The following NRXN3 variants were observed in gnomAD, a reference collection of about 807,000 sequenced individuals.
NRXN3 encodes the protein neurexin III.
A neutral mutation model predicts 137.6 loss-of-function variants in NRXN3; 32 were observed. That is an observed-to-expected ratio of 0.23 (90% confidence interval 0.18 to 0.31). The LOEUF (loss-of-function observed/expected upper bound fraction) is 0.31, where lower values mean the gene tolerates loss of function less well. NRXN3 is among the 10% of genes least tolerant of loss of function. The pLI, the probability that NRXN3 is intolerant of heterozygous loss-of-function variation, is 1.00. For missense variants in NRXN3, 1,574 were observed against 2,062.5 expected (o/e 0.76, Z 4.59); for synonymous variants, 798 against 784.5 (o/e 1.02, Z -0.29).
At chr14:78,419,948 C>CGT (rs1253440459) in intron 4 of NRXN3, among the ~76,000 whole-genome samples, 2 of 6,406 alleles carry the variant, frequency 3.1e-4, no homozygotes, top group African/African-American at 3.8e-4. Context: ...CGTGTGTGCG[C>CGT]GCGCGCGCGC....
chr14:79,097,328 C>A (rs2050533630), intron 15 of NRXN3, among the ~76,000 whole-genome samples: 1 of 152,122 alleles, frequency 6.6e-6, no homozygotes, highest in South Asian at 2.1e-4. Context: ...TTGGCGGCTG[C>A]TAATATCTAA....
intron 4 of NRXN3, among the ~76,000 whole-genome samples, chr14:78,371,355 A>G (rs1318170748): frequency 6.6e-6 from 1 of 152,090 alleles, no homozygotes; most frequent in African/African-American, 2.4e-5. Flanking sequence ...TCCAGGAAAG[A>G]TTACTTTCTT....
chr14:79,241,393 A>G (rs1672516102), intron 15 of NRXN3, among the ~76,000 whole-genome samples: 1 of 152,202 alleles, frequency 6.6e-6, no homozygotes, highest in South Asian at 2.1e-4. Flanking sequence ...ACAGTTCCAC[A>G]TGGCTAGGGA....
intron 4 of NRXN3, among the ~76,000 whole-genome samples, chr14:78,411,080 G>A (rs1242712415): frequency 5.9e-5 from 9 of 151,664 alleles, no homozygotes. Context: ...AAATGAAAAT[G>A]TTAGGTAGTT....
At chr14:79,793,613 C>T (rs769282061) in intron 19 of NRXN3, among the ~76,000 whole-genome samples, 2 of 151,986 alleles carry the variant, frequency 1.3e-5, no homozygotes, top group Non-Finnish European at 2.9e-5. Flanking sequence ...GAAACCAATG[C>T]AAAATAAAAC....
chr14:78,494,729 A>G (rs2095740663), intron 4 of NRXN3, among the ~76,000 whole-genome samples: 1 of 152,182 alleles, frequency 6.6e-6, no homozygotes, highest in African/African-American at 2.4e-5. Flanking sequence ...TGTATTTATT[A>G]TGAAGTACAT....
chr14:79,436,592 G>C (rs2095849402), intron 15 of NRXN3, among the ~76,000 whole-genome samples: 2 of 152,012 alleles, frequency 1.3e-5, no homozygotes, highest in African/African-American at 4.8e-5. Context: ...CACATTAGTA[G>C]CGGCCAAGTT....
At chr14:78,432,300 G>GTTTTT (rs3037827) in intron 4 of NRXN3, among the ~76,000 whole-genome samples, 1 of 142,536 alleles carries the variant, frequency 7.0e-6, no homozygotes, top group Non-Finnish European at 1.5e-5. Flanking sequence ...CTGCACTCAG[G>GTTTTT]TTTTTTTTTT....
intron 16 of NRXN3, among the ~76,000 whole-genome samples, chr14:79,530,898 A>T (rs2097164119): frequency 6.6e-6 from 1 of 152,220 alleles, no homozygotes; most frequent in Admixed American, 6.5e-5. Context: ...AACACAAACC[A>T]AAGTTGACAC....
chr14:78,946,373 G>T (rs1327579330), intron 10 of NRXN3, among the ~76,000 whole-genome samples: 2 of 152,092 alleles, frequency 1.3e-5, no homozygotes, highest in Non-Finnish European at 2.9e-5. Flanking sequence ...ACTTCCAGAT[G>T]GCCTGAGTGC....
chr14:79,102,730 A>G (rs2051577132), intron 15 of NRXN3, among the ~76,000 whole-genome samples: 1 of 152,204 alleles, frequency 6.6e-6, no homozygotes, highest in African/African-American at 2.4e-5. Flanking sequence ...CTGTGTCTTC[A>G]AGGATAGGGA....
intron 4 of NRXN3, among the ~76,000 whole-genome samples, chr14:78,603,476 CA>C (rs1456270026): frequency 3.3e-5 from 5 of 152,076 alleles, no homozygotes; most frequent in Admixed American, 3.3e-4. Flanking sequence ...GAGTATTTTA[CA>C]TATAATTTAG....
rs1166225269 is a variant in NRXN3, at chr14:78,297,314, G to GA, written c.728-509dup. On this transcript the variant is annotated intron_variant, in intron 3 of 20. Coordinates refer to ENST00000335750, the MANE Select transcript of NRXN3 (RefSeq NM_001330195.2). The stretch of plus-strand genomic sequence containing the variant: ...ATTTTTGTAGAAAAGACTATCTAGA[G>GA]AAAAAAAAGTTGGATGGTAGTCTCT... Among the ~76,000 whole-genome samples, 3 of 151,974 alleles carry GA rather than the reference G, an allele frequency of 2.0e-5. No individual in the cohort carries two copies. In the East Asian group the frequency reaches 5.8e-4, roughly 29 times the overall value.
At chr14:79,450,161 A>G (rs17109229) in intron 15 of NRXN3, among the ~76,000 whole-genome samples, 6,568 of 151,926 alleles carry the variant, frequency 0.043, 488 homozygotes, top group African/African-American at 0.15. Flanking sequence ...CCCAAACAGC[A>G]TCCTTAAGTG....
chr14:79,740,711 T>C (rs1422828871), intron 19 of NRXN3, among the ~76,000 whole-genome samples: 1 of 14,916 alleles, frequency 6.7e-5, no homozygotes, highest in Non-Finnish European at 1.1e-4. Context: ...CATTTAGTTT[T>C]TTATATATAT....
intron 4 of NRXN3, among the ~76,000 whole-genome samples, chr14:78,630,134 A>C (rs1344797391): frequency 6.6e-6 from 1 of 152,186 alleles, no homozygotes; most frequent in Non-Finnish European, 1.5e-5. Context: ...ATTTCTAGGC[A>C]AATTGGGATG....
At chr14:78,416,563 T>A (rs970775936) in intron 4 of NRXN3, among the ~76,000 whole-genome samples, 19 of 152,352 alleles carry the variant, frequency 1.2e-4, no homozygotes, top group African/African-American at 4.6e-4. Flanking sequence ...CAAATAGTCA[T>A]CTAAGTCACT....
At chr14:79,430,182 C>T (rs1373235439) in intron 15 of NRXN3, among the ~76,000 whole-genome samples, 1 of 152,118 alleles carries the variant, frequency 6.6e-6, no homozygotes, top group Non-Finnish European at 1.5e-5. Flanking sequence ...GTTCAGGTGT[C>T]TGAAAAGAAA....
intron 4 of NRXN3, among the ~76,000 whole-genome samples, chr14:78,526,410 C>T (rs1234894437): frequency 6.6e-6 from 1 of 152,192 alleles, no homozygotes; most frequent in Non-Finnish European, 1.5e-5. Context: ...ATGATGCAAA[C>T]GTTTCTGTGG....
Sources: gnomAD v4.1 joint callset for allele counts (sites outside exome capture counted in the v4.1 genomes callset) on GRCh38, gnomAD v4.1.1 for gene constraint, MANE v1.5 for transcripts, NCBI Gene and HGNC (gene_info 2026-07-23, HGNC 2026-07-21) for gene names.